The following ATP8A2 variants were observed in gnomAD, a reference collection of about 807,000 sequenced individuals.
ATP8A2 encodes ATPase phospholipid transporting 8A2, also known as phospholipid-transporting ATPase IB.
Under a neutral mutation model 165.6 loss-of-function variants are expected in ATP8A2, and 100 were observed. The ratio of observed to expected loss-of-function variants is 0.60; its 90% CI spans 0.51 to 0.71. ATP8A2 has a LOEUF of 0.71. ATP8A2 is among the 30% of genes least tolerant of loss of function. The pLI is 0.00. For missense variants in ATP8A2, 1,227 were observed against 1,479.5 expected (o/e 0.83, Z 2.80); for synonymous variants, 543 against 548.8 (o/e 0.99, Z 0.15).
At chr13:25,465,699 C>CT (rs1216642370) in intron 1 of ATP8A2, among the ~76,000 whole-genome samples, 10 of 18,950 alleles carry the variant, frequency 5.3e-4, no homozygotes, top group Non-Finnish European at 1.0e-3. Context: ...TTCTTTCTTT[C>CT]TTTCTTTCTT....
chr13:25,476,198 G>T (rs575689135), intron 2 of ATP8A2, among the ~76,000 whole-genome samples: 4 of 152,232 alleles, frequency 2.6e-5, no homozygotes, highest in Non-Finnish European at 4.4e-5. Context: ...ATGTTTTAAT[G>T]CTGCAGAATT....
chr13:25,883,359 C>A (rs1682479909), intron 33 of ATP8A2, among the ~76,000 whole-genome samples: 1 of 152,108 alleles, frequency 6.6e-6, no homozygotes, highest in South Asian at 2.1e-4. Flanking sequence ...GCGGAGGTTG[C>A]ACTGAACTGA....
At chr13:25,476,390 G>C (rs977981991) in intron 2 of ATP8A2, among the ~76,000 whole-genome samples, 1 of 151,820 alleles carries the variant, frequency 6.6e-6, no homozygotes, top group African/African-American at 2.4e-5. Flanking sequence ...GGGTTCAAGC[G>C]ATTCTCCTGC....
chr13:25,791,186 C>G (rs565581368), intron 27 of ATP8A2, among the ~76,000 whole-genome samples: 1 of 152,216 alleles, frequency 6.6e-6, no homozygotes, highest in African/African-American at 2.4e-5. Flanking sequence ...ACATATACAC[C>G]ATGGGATACT....
At chr13:25,841,223 G>T (rs1051288776) in intron 30 of ATP8A2, among the ~76,000 whole-genome samples, 6 of 152,206 alleles carry the variant, frequency 3.9e-5, no homozygotes, top group African/African-American at 1.4e-4. Context: ...AAAGGATGTA[G>T]ACTCCCAGCA....
intron 16 of ATP8A2, among the ~76,000 whole-genome samples, chr13:25,565,321 G>A (rs563476297): frequency 1.3e-5 from 2 of 152,234 alleles, no homozygotes; most frequent in Admixed American, 1.3e-4. Flanking sequence ...TTCCATAGTG[G>A]CTGTTCTAGT....
At chr13:25,936,743 T>C (rs1249698832) in intron 33 of ATP8A2, among the ~76,000 whole-genome samples, 1 of 152,170 alleles carries the variant, frequency 6.6e-6, no homozygotes, top group African/African-American at 2.4e-5. Flanking sequence ...GGCCCAATTT[T>C]CCCCAATATG....
intron 27 of ATP8A2, among the ~76,000 whole-genome samples, chr13:25,798,581 T>C (rs753709170): frequency 3.9e-5 from 6 of 152,154 alleles, no homozygotes; most frequent in Non-Finnish European, 5.9e-5. Flanking sequence ...AAATCCTTAA[T>C]AAGAAAATAA....
At chr13:25,628,506 A>G (rs775959340) in intron 24 of ATP8A2, among the ~76,000 whole-genome samples, 3 of 152,094 alleles carry the variant, frequency 2.0e-5, no homozygotes, top group Non-Finnish European at 2.9e-5. Context: ...CTCTCTTCCT[A>G]ACTCAGGACA....
chr13:25,578,337 A>G (rs114162895), intron 20 of ATP8A2, among the ~76,000 whole-genome samples: 2,242 of 152,286 alleles, frequency 0.015, 59 homozygotes, highest in African/African-American at 0.05. Context: ...TCATAGGCAG[A>G]TGGGCTGTGC....
chr13:25,856,657 C>T (rs1319220225), intron 30 of ATP8A2, among the ~76,000 whole-genome samples: 4 of 152,190 alleles, frequency 2.6e-5, no homozygotes, highest in Admixed American at 1.3e-4. Context: ...ACATTAATTA[C>T]AGAATGTTAT....
chr13:25,512,806 G>C (rs1274315797), intron 2 of ATP8A2, among the ~76,000 whole-genome samples: 2 of 140,092 alleles, frequency 1.4e-5, no homozygotes, highest in African/African-American at 5.4e-5. Context: ...TCTCCCTCCC[G>C]TACGGGGCGG....
intron 34 of ATP8A2, 67 bp downstream of exon 34, chr13:25,961,730 G>C: frequency 1.7e-6 from 2 of 1,185,952 alleles, no homozygotes; most frequent in Non-Finnish European, 2.5e-6. Flanking sequence ...TCTTTCTCAT[G>C]AGTCCTGCTA....
At chr13:25,638,776 A>G (rs576783161) in intron 24 of ATP8A2, among the ~76,000 whole-genome samples, 76 of 152,296 alleles carry the variant, frequency 5.0e-4, no homozygotes, top group African/African-American at 1.7e-3. Flanking sequence ...ATACTCCTCC[A>G]GAAGAGCAAC....
At chr13:25,392,981 C>T (rs1254184707) in intron 1 of ATP8A2, among the ~76,000 whole-genome samples, 1 of 152,022 alleles carries the variant, frequency 6.6e-6, no homozygotes, top group Non-Finnish European at 1.5e-5. Context: ...TGACATGTCC[C>T]TCCAAACCCA....
At chr13:25,466,833 T>G (rs1185964375) in intron 1 of ATP8A2, among the ~76,000 whole-genome samples, 1 of 152,222 alleles carries the variant, frequency 6.6e-6, no homozygotes, top group Non-Finnish European at 1.5e-5. Flanking sequence ...GAGCTTGGGC[T>G]TCTGGGTGCA....
At chr13:25,834,275 G>A (rs1951551362) in intron 28 of ATP8A2, among the ~76,000 whole-genome samples, 1 of 152,136 alleles carries the variant, frequency 6.6e-6, no homozygotes, top group Non-Finnish European at 1.5e-5. Context: ...ATTGCTGATA[G>A]GGAAATAGCG....
intron 30 of ATP8A2, among the ~76,000 whole-genome samples, chr13:25,844,190 A>C (rs1434407156): frequency 6.6e-6 from 1 of 151,714 alleles, no homozygotes; most frequent in East Asian, 1.9e-4. Context: ...GGACTTGTTT[A>C]TGTGTGCTGA....
At chr13:25,898,855 T>A (rs984140374) in intron 33 of ATP8A2, among the ~76,000 whole-genome samples, 1 of 152,220 alleles carries the variant, frequency 6.6e-6, no homozygotes, top group African/African-American at 2.4e-5. Flanking sequence ...TCTCCTGGTG[T>A]GCCATTTGTG....
Sources: gnomAD v4.1 joint callset for allele counts (sites outside exome capture counted in the v4.1 genomes callset) on GRCh38, gnomAD v4.1.1 for gene constraint, MANE v1.5 for transcripts, NCBI Gene and HGNC (gene_info 2026-07-23, HGNC 2026-07-21) for gene names.